Variants in ALG6 observed in about 807,000 individuals in gnomAD.
ALG6 encodes ALG6 alpha-1,3-glucosyltransferase, also known as dolichyl pyrophosphate Man9GlcNAc2 alpha-1,3-glucosyltransferase.
ALG6 carries 46 observed loss-of-function variants against 66.6 expected under a neutral mutation model. The ratio of observed to expected loss-of-function variants is 0.69; its 90% CI spans 0.55 to 0.88. ALG6 has a LOEUF of 0.88. Ranked by LOEUF, ALG6 falls within the 40% of genes least tolerant of loss-of-function variation. ALG6 has a pLI of 0.00. For synonymous variants in ALG6, 185 were observed against 203.7 expected, an observed-to-expected ratio of 0.91 and a Z score of 0.78; for missense variants, 505 against 586.8, an observed-to-expected ratio of 0.86 and a Z score of 1.44.
chr1:63,405,037 G>T (rs1644483529), intron 5 of ALG6, among the ~76,000 whole-genome samples: 1 of 152,098 alleles, frequency 6.6e-6, no homozygotes, highest in South Asian at 2.1e-4. Context: ...TGTGTGTGCT[G>T]TTGTAGGAGC....
At chr1:63,370,236 C>G (rs961653916) in intron 1 of ALG6, among the ~76,000 whole-genome samples, 8 of 149,960 alleles carry the variant, frequency 5.3e-5, no homozygotes, top group Admixed American at 5.3e-4. Context: ...TGGGATTATT[C>G]TTAATGATTC....
chr1:63,378,243 G>T (rs985312122), intron 2 of ALG6, among the ~76,000 whole-genome samples: 6 of 152,208 alleles, frequency 3.9e-5, no homozygotes, highest in African/African-American at 1.4e-4. Flanking sequence ...GCTGGGTATG[G>T]AATTGTTTTG....
chr1:63,404,653 A>T (rs1051466150), intron 5 of ALG6, 112 bp downstream of exon 5: 2 of 828,744 alleles, frequency 2.4e-6, no homozygotes, highest in South Asian at 1.4e-5. Context: ...CAATTACACA[A>T]ACACATATAT....
chr1:63,393,923 GAGAT>G (rs1168101495), intron 2 of ALG6, among the ~76,000 whole-genome samples: 2 of 152,112 alleles, frequency 1.3e-5, no homozygotes, highest in East Asian at 1.9e-4. Context: ...TTCTTTCTGA[GAGAT>G]AGAGAGACAG....
chr1:63,416,330 T>C (rs1644546000), intron 11 of ALG6, among the ~76,000 whole-genome samples: 1 of 151,428 alleles, frequency 6.6e-6, no homozygotes, highest in Non-Finnish European at 1.5e-5. Context: ...GGGGGGAGAT[T>C]TTAGAATGCT....
At chr1:63,421,990 C>T (rs181637890) in intron 12 of ALG6, among the ~76,000 whole-genome samples, 130 of 145,200 alleles carry the variant, frequency 9.0e-4, no homozygotes, top group African/African-American at 3.3e-3. Flanking sequence ...GCATGTTCTG[C>T]ACATGTATCC....
rs1380274495 is a variant in ALG6, at chr1:63,437,280, AAG to A, written c.*264_*265del. The stretch of plus-strand genomic sequence containing the variant: ...TTCACAGCTATTCAAGTGGGGAAAA[AAG>A]AGAAACATGTCCTTAATCCCATTGT... On this transcript the variant is annotated 3_prime_UTR_variant, in exon 15 of 15. Transcript: ENST00000263440. 5 of 400,950 alleles carry A rather than the reference AAG, an allele frequency of 1.2e-5. No individual in the cohort carries two copies. Among genetic ancestry groups the A allele is most frequent in the African/African-American group, 8.2e-5 (4 of 48,988 alleles). The allele number at this position is 400,950 out of a possible 1,614,324, so 24.8% of individuals were successfully genotyped here.
chr1:63,412,193 G>A, intron 9 of ALG6, 132 bp downstream of exon 9: 1 of 1,377,044 alleles, frequency 7.3e-7, no homozygotes, highest in Non-Finnish European at 1.0e-6. Context: ...GCCAGTTATT[G>A]CTTGATTGAT....
In ALG6 at chr1:63,400,269, G is replaced by GTATATA. The variant is rs370667539; in HGVS notation, c.168-1978_168-1973dup. ...CGTATATATATGTATATATATATAC[G>GTATATA]TATATATATATACGTATATATATAT... On this transcript the variant is annotated intron_variant, in intron 3 of 14. Coordinates refer to ENST00000263440, the MANE Select transcript of ALG6 (RefSeq NM_013339.4). Among the ~76,000 whole-genome samples the GTATATA allele has an allele frequency of 6.5e-3, 49 of 7,550 alleles. 11 individuals are homozygous for GTATATA. Among genetic ancestry groups the GTATATA allele is most frequent in the Non-Finnish European group, 7.0e-3 (41 of 5,836 alleles). 5.0% of individuals were successfully genotyped at this position (7,550 alleles called of 152,430 possible). A position where few individuals can be genotyped will look rare whatever the true frequency, so the allele number is the denominator to read the frequency against.
In ALG6 at chr1:63,428,988, AT is replaced by A. The variant is rs1207096732; in HGVS notation, c.1194del (p.Phe398LeufsTer2). 1 of 1,613,030 alleles carries A rather than the reference AT, an allele frequency of 6.2e-7. No homozygotes were observed. Among genetic ancestry groups the A allele is most frequent in the Admixed American group, 1.7e-5 (1 of 59,942 alleles). ...TGCCCTCTGTTGTGACAACAATGGC[AT>A]TTTTTATAGCTTGTGTAACTTCCTT... is the stretch of plus-strand genomic sequence containing the variant. ...LMPSVVTTMA[F>X]FIACVTSFSI... On this transcript the variant is annotated frameshift_variant, in exon 14 of 15. Transcript: ENST00000263440. LOFTEE classifies it high-confidence loss of function.
At chr1:63,405,828 C>T (rs1224896008) in intron 5 of ALG6, among the ~76,000 whole-genome samples, 5 of 151,544 alleles carry the variant, frequency 3.3e-5, no homozygotes, top group African/African-American at 9.7e-5. Flanking sequence ...AATTGCTTTT[C>T]TTTTTTTAGG....
At position 63,421,728 on chromosome 1, in the gene ALG6, A is replaced by G. The variant is rs142933030; in HGVS notation, c.1058+2288A>G. Among the ~76,000 whole-genome samples, 54 of 152,218 alleles carry G rather than the reference A, an allele frequency of 3.5e-4. No individual in the cohort carries two copies. In the East Asian group the frequency reaches 9.7e-3, roughly 27 times the overall value. Reference sequence around the variant, plus strand: ...ATGAGTTCATGTCCTTTGCAGGGACACAGATGCAGCTGGAAACCATCATTC... The same window carrying G: ...ATGAGTTCATGTCCTTTGCAGGGACGCAGATGCAGCTGGAAACCATCATTC... On this transcript the variant is annotated intron_variant, in intron 12 of 14. Coordinates refer to ENST00000263440, the MANE Select transcript of ALG6 (RefSeq NM_013339.4).
intron 2 of ALG6, among the ~76,000 whole-genome samples, chr1:63,384,456 G>GATT (rs1570041216): frequency 6.6e-6 from 1 of 152,070 alleles, no homozygotes; most frequent in East Asian, 1.9e-4. Context: ...TGTCTTTGTT[G>GATT]ATTGCTTCCT....
chr1:63,384,379 A>G (rs1268214202), intron 2 of ALG6, among the ~76,000 whole-genome samples: 1 of 151,998 alleles, frequency 6.6e-6, no homozygotes, highest in Non-Finnish European at 1.5e-5. Flanking sequence ...AATTCCTTAT[A>G]TATTCTGGTT....
At chr1:63,378,977 G>T (rs1025393954) in intron 2 of ALG6, among the ~76,000 whole-genome samples, 2 of 150,256 alleles carry the variant, frequency 1.3e-5, no homozygotes, top group Non-Finnish European at 3.0e-5. Context: ...ATAGTCTCTT[G>T]TTCCTTCAGC....
At chr1:63,382,026 T>G (rs927536948) in intron 2 of ALG6, among the ~76,000 whole-genome samples, 8 of 152,138 alleles carry the variant, frequency 5.3e-5, no homozygotes, top group African/African-American at 1.7e-4. Context: ...TTTTATGTAT[T>G]GTAAAATATC....
chr1:63,396,716 G>T, intron 3 of ALG6, 119 bp downstream of exon 3: 1 of 888,432 alleles, frequency 1.1e-6, no homozygotes, highest in Non-Finnish European at 1.8e-6. Context: ...TTGCATGCTG[G>T]TGCCACATAT....
intron 2 of ALG6, among the ~76,000 whole-genome samples, chr1:63,386,751 G>T (rs186192643): frequency 6.6e-6 from 1 of 151,320 alleles, no homozygotes; most frequent in Non-Finnish European, 1.5e-5. Context: ...TTATCTTTTC[G>T]AAAACCAACT....
In ALG6 at chr1:63,429,160, C is replaced by CAGCATG. The variant is rs1451704281; in HGVS notation, c.1326+35_1326+40dup. The CAGCATG allele has an allele frequency of 3.5e-6, 5 of 1,446,314 alleles. No homozygotes were observed. The Admixed American group carries it at 9.4e-5, about 27-fold the overall frequency. The allele number at this position is 1,446,314 out of a possible 1,614,324, so 89.6% of individuals were successfully genotyped here. ...AATTTTTAAGAAATGACACATTTTTCAGCATGTCACTATTTTAAAAAATTA... is the reference window on the plus strand; with the variant it reads ...AATTTTTAAGAAATGACACATTTTTCAGCATGAGCATGTCACTATTTTAAAAAATTA... On this transcript the variant is annotated intron_variant, in intron 14 of 14. Coordinates refer to ENST00000263440, the MANE Select transcript of ALG6 (RefSeq NM_013339.4).
Sources: allele counts gnomAD v4.1 joint callset (sites outside exome capture counted in the v4.1 genomes callset), GRCh38; gene constraint gnomAD v4.1.1; transcripts MANE v1.5; gene names NCBI Gene and HGNC (gene_info 2026-07-23, HGNC 2026-07-21).